Variants in GCA observed in about 807,000 individuals in gnomAD.
GCA encodes grancalcin, EF-hand calcium-binding protein.
GCA carries 30 observed loss-of-function variants against 32.6 expected under a neutral mutation model. The observed-to-expected ratio is 0.92, with a 90% CI of 0.69 to 1.25. GCA has a LOEUF of 1.25. GCA is among the 50% of genes most tolerant of loss of function. GCA has a pLI of 0.00. For missense variants in GCA, 291 were observed against 266.8 expected (o/e 1.09, Z -0.63); for synonymous variants, 102 against 84.6 (o/e 1.21, Z -1.13).
At chr2:162,347,847 T>G (rs1684788099) in intron 2 of GCA, 105 bp downstream of exon 2, 1 of 597,730 alleles carries the variant, frequency 1.7e-6, no homozygotes, top group African/African-American at 1.9e-5. Context: ...ATTTATATTT[T>G]ATATGTATCT....
At chr2:162,341,497 AG>A (rs1684448949), upstream of GCA, among the ~76,000 whole-genome samples, 1 of 151,946 alleles carries the variant, frequency 6.6e-6, no homozygotes, top group Non-Finnish European at 1.5e-5. Flanking sequence ...ACTTATGATA[AG>A]ACCAATGCCA....
At chr2:162,373,805 C>A (rs549795825), downstream of GCA, 10 of 463,688 alleles carry the variant, frequency 2.2e-5, no homozygotes, top group Admixed American at 1.7e-4. Context: ...CACAGAGATT[C>A]TTTCCTGACG....
chr2:162,371,226 T>G, intron 4 of GCA: 1 of 543,790 alleles, frequency 1.8e-6, no homozygotes, highest in Non-Finnish European at 3.2e-6. Flanking sequence ...CTCATTACTG[T>G]TGGCCTATGT....
intron 1 of GCA, among the ~76,000 whole-genome samples, chr2:162,330,050 A>G (rs1684023078): frequency 6.6e-6 from 1 of 152,190 alleles, no homozygotes. Flanking sequence ...TATATGTACT[A>G]TATTTTCTTT....
In GCA at chr2:162,347,719, T is replaced by C; in HGVS notation, c.169T>C (p.Tyr57His). The C allele has an allele frequency of 6.3e-7, 1 of 1,581,026 alleles. No homozygotes were observed. Among genetic ancestry groups the C allele is most frequent in the Non-Finnish European group, 8.6e-7 (1 of 1,161,070 alleles). ...CTCAGCTGGTGACTCCGTGTATACT[T>C]ACTTCAGTGCTGTTGCTGGACAGGT... is the stretch of plus-strand genomic sequence containing the variant. ...YSSAGDSVYT[Y>H]FSAVAGQDGE... The change falls in exon 2 of 8, where the codon TAC becomes CAC. Residue 57 changes from tyrosine to histidine, a missense_variant. Transcript: ENST00000437150.
At chr2:162,368,330 A>T (rs570033833) in intron 4 of GCA, among the ~76,000 whole-genome samples, 1 of 152,140 alleles carries the variant, frequency 6.6e-6, no homozygotes, top group Non-Finnish European at 1.5e-5. Context: ...AGTAATTTAC[A>T]TATATTTATC....
downstream of GCA, among the ~76,000 whole-genome samples, chr2:162,374,385 A>C (rs1686085744): frequency 6.6e-6 from 1 of 152,142 alleles, no homozygotes; most frequent in African/African-American, 2.4e-5. Flanking sequence ...TTTAAATTAA[A>C]ATTTAAGGGA....
intron 3 of GCA, 67 bp downstream of exon 3, chr2:162,352,474 C>A: frequency 1.0e-6 from 1 of 978,540 alleles, no homozygotes; most frequent in Middle Eastern, 2.1e-4. Flanking sequence ...TTTTTTGTCC[C>A]TGTAATTAAA....
At chr2:162,338,964 T>G (rs1178651582) in intron 1 of GCA, among the ~76,000 whole-genome samples, 1 of 152,216 alleles carries the variant, frequency 6.6e-6, no homozygotes, top group African/African-American at 2.4e-5. Flanking sequence ...TAAAATGCAC[T>G]ATTATTAAAT....
In GCA at chr2:162,361,119, C is replaced by G; in HGVS notation, c.*876C>G. The G allele has an allele frequency of 1.0e-6, 1 of 963,732 alleles. No homozygotes were observed. Among genetic ancestry groups the G allele is most frequent in the Non-Finnish European group, 1.2e-6 (1 of 808,926 alleles). 59.7% of individuals were successfully genotyped at this position (963,732 alleles called of 1,614,324 possible). Reference sequence around the variant, plus strand: ...AAAAATAAACAAGTAATTAACCACTCTAATTGTTCAGAAATTTTACATTTG... The same window carrying G: ...AAAAATAAACAAGTAATTAACCACTGTAATTGTTCAGAAATTTTACATTTG... On this transcript the variant is annotated 3_prime_UTR_variant, in exon 8 of 8. Transcript: ENST00000437150.
chr2:162,372,941 C>A (rs531307185), downstream of GCA, among the ~76,000 whole-genome samples: 7 of 152,186 alleles, frequency 4.6e-5, no homozygotes, highest in South Asian at 1.5e-3. Flanking sequence ...ATTTAGAGAT[C>A]TCTGGTGATG....
downstream of GCA, chr2:162,371,962 T>G: frequency 6.2e-7 from 1 of 1,613,882 alleles, no homozygotes; most frequent in South Asian, 1.1e-5. Context: ...CAGGTGAAGC[T>G]CTAAAGAGAG....
Position 162,360,222 on chromosome 2 carries a change from G to T in GCA, c.633G>T (p.Leu211Phe). ...TAATTTCACTTATGTATTAGTTTTT[G>T]CAGGGCACTATGGCAATTTGAATGC... ...GSANFIYDDFLQGTMAI is the reference protein window; with the variant it reads ...GSANFIYDDFFQGTMAI Residue 211 changes from leucine to phenylalanine, a missense_variant, in exon 8 of 8, where the codon TTG becomes TTT. Physicochemically the swap from Leu to Phe is conservative, Grantham distance 22 (BLOSUM62 0). Coordinates refer to ENST00000437150, the MANE Select transcript of GCA (RefSeq NM_012198.5). 1.3e-6 allele frequency: 2 copies of T among 1,546,700 alleles called. No individual in the cohort carries two copies. The highest frequency in any genetic ancestry group is 1.8e-6 in the Non-Finnish European group (2 of 1,127,400).
chr2:162,339,950 T>C (rs1341632196), upstream of GCA, among the ~76,000 whole-genome samples: 1 of 152,220 alleles, frequency 6.6e-6, no homozygotes, highest in African/African-American at 2.4e-5. Context: ...CAGAATTATT[T>C]TCCATATGCA....
At chr2:162,369,896 A>G (rs1424217111) in intron 4 of GCA, among the ~76,000 whole-genome samples, 4 of 152,168 alleles carry the variant, frequency 2.6e-5, no homozygotes, top group Non-Finnish European at 4.4e-5. Context: ...GTATCTGCAT[A>G]ACACCAAATA....
At chr2:162,323,820 T>C (rs1476563699) in intron 1 of GCA, among the ~76,000 whole-genome samples, 1 of 151,868 alleles carries the variant, frequency 6.6e-6, no homozygotes, top group Non-Finnish European at 1.5e-5. Flanking sequence ...AGCCTTGTAG[T>C]ATTGTTTGAA....
At chr2:162,339,083 G>T (rs1437226434) in intron 1 of GCA, among the ~76,000 whole-genome samples, 1 of 152,154 alleles carries the variant, frequency 6.6e-6, no homozygotes, top group East Asian at 1.9e-4. Context: ...TTGCCAAGTG[G>T]CTGCTTGAGG....
At chr2:162,334,944 T>C (rs1465374288) in intron 1 of GCA, among the ~76,000 whole-genome samples, 1 of 152,216 alleles carries the variant, frequency 6.6e-6, no homozygotes, top group Non-Finnish European at 1.5e-5. Flanking sequence ...TTTCTCTCGC[T>C]CAGTATTCAT....
At chr2:162,319,396 G>C (rs950038581) in intron 1 of GCA, 1 of 316,680 alleles carries the variant, frequency 3.2e-6, no homozygotes, top group Non-Finnish European at 6.4e-6. Flanking sequence ...ATCCCAGCTT[G>C]TAAGTTCCCT....
Sources: gnomAD v4.1 joint callset for allele counts (sites outside exome capture counted in the v4.1 genomes callset) on GRCh38, gnomAD v4.1.1 for gene constraint, MANE v1.5 for transcripts, NCBI Gene and HGNC (gene_info 2026-07-23, HGNC 2026-07-21) for gene names.